The following FBXL5 variants were observed in gnomAD, a reference collection of about 807,000 sequenced individuals.
FBXL5 encodes F-box/LRR-repeat protein 5.
Under a neutral mutation model 78.3 loss-of-function variants are expected in FBXL5, and 26 were observed. That is an observed-to-expected ratio of 0.33 (90% CI 0.24 to 0.46). The LOEUF (loss-of-function observed/expected upper bound fraction) is 0.46. Among genes scored for constraint, FBXL5 ranks in the 20% least tolerant of loss-of-function variants. FBXL5 has a pLI of 1.00. For missense variants in FBXL5, 710 were observed against 829.2 expected, an observed-to-expected ratio of 0.86 and a Z score of 1.77; for synonymous variants, 295 against 282.5, an observed-to-expected ratio of 1.04 and a Z score of -0.45.
At chr4:15,673,434 T>C (rs148260009) in intron 1 of FBXL5, among the ~76,000 whole-genome samples, 356 of 152,070 alleles carry the variant, frequency 2.3e-3, no homozygotes, top group African/African-American at 7.9e-3. Context: ...GAGTGAGACC[T>C]CATCTCAAAA....
intron 1 of FBXL5, among the ~76,000 whole-genome samples, chr4:15,649,919 TA>T (rs1191690880): frequency 6.6e-6 from 1 of 152,180 alleles, no homozygotes; most frequent in Non-Finnish European, 1.5e-5. Flanking sequence ...ACCAAGTCCC[TA>T]AAACTCTAAC....
chr4:15,681,484 C>T (rs1215210328), exon 1 of FBXL5: 5 of 165,014 alleles, frequency 3.0e-5, no homozygotes, highest in Non-Finnish European at 7.3e-5. Flanking sequence ...TCTGTCCGGA[C>T]TAGCCCTGTC....
chr4:15,623,067 T>C (rs1396452243), intron 9 of FBXL5, among the ~76,000 whole-genome samples: 1 of 152,198 alleles, frequency 6.6e-6, no homozygotes, highest in Non-Finnish European at 1.5e-5. Flanking sequence ...ACCTTTTCTC[T>C]GCTTTTCTTC....
upstream of FBXL5, among the ~76,000 whole-genome samples, chr4:15,661,377 T>C (rs1375501658): frequency 6.6e-6 from 1 of 152,178 alleles, no homozygotes; most frequent in Non-Finnish European, 1.5e-5. Context: ...TCCTGAGAAC[T>C]AAGTGTTTTA....
At chr4:15,645,777 A>C (rs565890124) in intron 1 of FBXL5, among the ~76,000 whole-genome samples, 1 of 152,304 alleles carries the variant, frequency 6.6e-6, no homozygotes, top group East Asian at 1.9e-4. Flanking sequence ...ATATAATAAA[A>C]CATCTGTATT....
chr4:15,640,718 G>C (rs58299617), intron 3 of FBXL5, 70 bp downstream of exon 3: 4 of 774,214 alleles, frequency 5.2e-6, no homozygotes, highest in Non-Finnish European at 8.2e-6. Context: ...TTATTTTGAA[G>C]AGTCTCTAAA....
chr4:15,675,504 T>C (rs896168534), intron 1 of FBXL5, among the ~76,000 whole-genome samples: 4 of 151,624 alleles, frequency 2.6e-5, no homozygotes, highest in Admixed American at 6.6e-5. Flanking sequence ...ACACAGGCAG[T>C]GCAAAAACAG....
At chr4:15,668,453 ATTCT>A (rs147440105) in intron 1 of FBXL5, among the ~76,000 whole-genome samples, 14,006 of 151,968 alleles carry the variant, frequency 0.092, 781 homozygotes, top group Non-Finnish European at 0.13. Flanking sequence ...TTCAAATCAC[ATTCT>A]TTTATTTTTT....
At chr4:15,649,594 A>AAAG (rs1715719508) in intron 1 of FBXL5, among the ~76,000 whole-genome samples, 1 of 150,650 alleles carries the variant, frequency 6.6e-6, no homozygotes, top group African/African-American at 2.5e-5. Flanking sequence ...AAAAAAAAAA[A>AAAG]AAAGAAAGAA....
chr4:15,624,600 TAAAAA>T (rs61627875), intron 9 of FBXL5, among the ~76,000 whole-genome samples: 4 of 130,346 alleles, frequency 3.1e-5, no homozygotes, highest in Admixed American at 2.3e-4. Context: ...TCTAGGAGGT[TAAAAA>T]AAAAAAAAAA....
intron 9 of FBXL5, among the ~76,000 whole-genome samples, chr4:15,618,465 T>C (rs545062437): frequency 6.6e-6 from 1 of 152,228 alleles, no homozygotes; most frequent in African/African-American, 2.4e-5. Flanking sequence ...AATTGACTTA[T>C]AAGAAGATGA....
At chr4:15,638,774 C>A in intron 3 of FBXL5, 80 bp from the exon 4 acceptor site, 1 of 881,060 alleles carries the variant, frequency 1.1e-6, no homozygotes, top group South Asian at 1.8e-5. Flanking sequence ...TTATTAATGG[C>A]TCGAATGTCG....
intron 6 of FBXL5, 83 bp from the exon 7 acceptor site, chr4:15,628,116 T>C: frequency 1.5e-6 from 2 of 1,302,370 alleles, no homozygotes; most frequent in Non-Finnish European, 2.1e-6. Context: ...TTGTTAAATA[T>C]GACATACTTT....
At chr4:15,609,576 T>C (rs775744477) in intron 10 of FBXL5, among the ~76,000 whole-genome samples, 2 of 152,074 alleles carry the variant, frequency 1.3e-5, no homozygotes, top group Non-Finnish European at 2.9e-5. Context: ...TATACATACA[T>C]TGAAATGCAA....
chr4:15,664,022 AGCTACATAATTT>A (rs1361803099), upstream of FBXL5, among the ~76,000 whole-genome samples: 4 of 152,218 alleles, frequency 2.6e-5, no homozygotes, highest in Admixed American at 2.6e-4. Context: ...AACTTAAAGA[AGCTACATAATTT>A]GCCCAAGACT....
At chr4:15,623,168 T>C (rs1712659713) in intron 9 of FBXL5, among the ~76,000 whole-genome samples, 2 of 152,162 alleles carry the variant, frequency 1.3e-5, no homozygotes, top group African/African-American at 4.8e-5. Context: ...AATTCTGCTT[T>C]TAAATAAAGT....
At chr4:15,649,991 C>T (rs184288966) in intron 1 of FBXL5, among the ~76,000 whole-genome samples, 5 of 152,242 alleles carry the variant, frequency 3.3e-5, no homozygotes, top group Non-Finnish European at 5.9e-5. Context: ...TTTTCAGATA[C>T]AAGAGAGTAA....
intron 1 of FBXL5, among the ~76,000 whole-genome samples, chr4:15,675,072 T>C (rs992950637): frequency 1.3e-5 from 2 of 152,212 alleles, no homozygotes; most frequent in Non-Finnish European, 2.9e-5. Flanking sequence ...CAAAACACTT[T>C]ATGCATCAAA....
chr4:15,660,428 A>T (rs1475790972), upstream of FBXL5, among the ~76,000 whole-genome samples: 1 of 152,170 alleles, frequency 6.6e-6, no homozygotes, highest in Non-Finnish European at 1.5e-5. Context: ...AAAATCCCCA[A>T]TTACACAAGA....
Sources: allele counts gnomAD v4.1 joint callset (sites outside exome capture counted in the v4.1 genomes callset), GRCh38; gene constraint gnomAD v4.1.1; transcripts MANE v1.5; gene names NCBI Gene and HGNC (gene_info 2026-07-23, HGNC 2026-07-21).